The following IQCM variants were observed in gnomAD, a reference collection of about 807,000 sequenced individuals.
IQCM encodes the protein IQ motif containing M, also known as IQ domain-containing protein M.
In IQCM, 45 loss-of-function variants were observed where a neutral mutation model predicts 57.6. The observed-to-expected ratio is 0.78, with a 90% CI of 0.62 to 1.00. The LOEUF is 1.00. Ranked by LOEUF, IQCM falls within the 50% of genes least tolerant of loss-of-function variation. The pLI is 0.00. For missense variants in IQCM, 468 were observed against 511.6 expected, an observed-to-expected ratio of 0.91 and a Z score of 0.82; for synonymous variants, 148 against 158.9, an observed-to-expected ratio of 0.93 and a Z score of 0.51.
At chr4:149,642,619 G>C (rs1018511023) in intron 7 of IQCM, among the ~76,000 whole-genome samples, 1 of 152,074 alleles carries the variant, frequency 6.6e-6, no homozygotes, top group African/African-American at 2.4e-5. Context: ...CTCCTTCAAA[G>C]CTCAGCCATC....
intron 7 of IQCM, among the ~76,000 whole-genome samples, chr4:149,645,901 A>C (rs915858736): frequency 2.6e-5 from 4 of 152,144 alleles, no homozygotes; most frequent in African/African-American, 9.7e-5. Flanking sequence ...TCCCACCCAC[A>C]GTAGCATCCC....
intron 7 of IQCM, among the ~76,000 whole-genome samples, chr4:149,665,660 T>C (rs1760657073): frequency 6.6e-6 from 1 of 152,162 alleles, no homozygotes; most frequent in Non-Finnish European, 1.5e-5. Flanking sequence ...AGAGAGAGAT[T>C]GCTATCCTAA....
intron 8 of IQCM, among the ~76,000 whole-genome samples, chr4:149,598,061 A>G (rs1040401358): frequency 1.3e-5 from 2 of 152,192 alleles, no homozygotes; most frequent in African/African-American, 4.8e-5. Context: ...CTAAGAAAGT[A>G]TGGTTGAGAG....
chr4:149,532,127 C>T (rs970270860), intron 12 of IQCM, among the ~76,000 whole-genome samples: 1 of 152,034 alleles, frequency 6.6e-6, no homozygotes, highest in Non-Finnish European at 1.5e-5. Context: ...AAGTTCACAA[C>T]ATCATAGCAG....
At chr4:149,386,233 C>CA (rs1378197816) in intron 13 of IQCM, among the ~76,000 whole-genome samples, 1 of 151,968 alleles carries the variant, frequency 6.6e-6, no homozygotes, top group African/African-American at 2.4e-5. Context: ...CTCTGGGTGT[C>CA]ATGTACTTCA....
intron 12 of IQCM, among the ~76,000 whole-genome samples, chr4:149,527,902 C>T (rs571521218): frequency 6.6e-5 from 10 of 152,126 alleles, no homozygotes; most frequent in Middle Eastern, 6.9e-3. Flanking sequence ...GACTCAAGAA[C>T]AGTATTTCTT....
intron 13 of IQCM, among the ~76,000 whole-genome samples, chr4:149,393,983 T>A (rs911750842): frequency 5.9e-5 from 9 of 151,958 alleles, no homozygotes; most frequent in African/African-American, 1.9e-4. Context: ...GCAGGGTGGA[T>A]CTAAAAACAC....
intron 12 of IQCM, among the ~76,000 whole-genome samples, chr4:149,516,317 C>G (rs1246739152): frequency 6.6e-6 from 1 of 152,152 alleles, no homozygotes; most frequent in East Asian, 1.9e-4. Context: ...AATGCTTCTG[C>G]CAAGACTACC....
chr4:149,731,557 T>C (rs1766460903), intron 5 of IQCM, among the ~76,000 whole-genome samples: 1 of 152,252 alleles, frequency 6.6e-6, no homozygotes, highest in Non-Finnish European at 1.5e-5. Context: ...GTCCAGTTTC[T>C]CAGTCTAGAA....
At chr4:149,415,623 C>T (rs1249970515) in intron 13 of IQCM, among the ~76,000 whole-genome samples, 1 of 151,948 alleles carries the variant, frequency 6.6e-6, no homozygotes, top group African/African-American at 2.4e-5. Context: ...AATGTTCACC[C>T]TACATCTAAT....
chr4:149,747,360 G>A (rs1768022802), intron 2 of IQCM, among the ~76,000 whole-genome samples: 1 of 152,176 alleles, frequency 6.6e-6, no homozygotes, highest in African/African-American at 2.4e-5. Context: ...TATGTAAAAT[G>A]CCATAGTATT....
rs559319994 is a variant in IQCM, at chr4:149,590,458, T to A, written c.682-2461A>T. 1.6e-3 allele frequency among the ~76,000 whole-genome samples: 236 copies of A among 152,014 alleles called. 1 individual carries two copies. The highest frequency in any genetic ancestry group is 5.5e-3 in the African/African-American group (229 of 41,520). On this transcript the variant is annotated intron_variant, in intron 8 of 13. Coordinates refer to ENST00000636793, the MANE Select transcript of IQCM (RefSeq NM_001363507.2). Reference sequence around the variant, plus strand: ...ACTACCTGCTTCTTTCAACTTCTTTTTTTATTATTATACTTTAAGTTCTGG... The same window carrying A: ...ACTACCTGCTTCTTTCAACTTCTTTATTTATTATTATACTTTAAGTTCTGG...
chr4:149,674,815 G>A (rs1343948130), intron 7 of IQCM, among the ~76,000 whole-genome samples: 2 of 151,960 alleles, frequency 1.3e-5, no homozygotes, highest in Non-Finnish European at 2.9e-5. Flanking sequence ...GCCTATTAAC[G>A]GTACTTAAAG....
chr4:149,565,235 T>TGAC (rs1750508297), intron 9 of IQCM, among the ~76,000 whole-genome samples: 1 of 152,190 alleles, frequency 6.6e-6, no homozygotes, highest in Non-Finnish European at 1.5e-5. Flanking sequence ...AGTGAATCTC[T>TGAC]GACTCACATT....
At chr4:149,508,383 T>C (rs1380048494) in intron 12 of IQCM, among the ~76,000 whole-genome samples, 11 of 152,150 alleles carry the variant, frequency 7.2e-5, no homozygotes, top group African/African-American at 2.7e-4. Context: ...AAGGGGGCTG[T>C]GCCCAGCAAA....
chr4:149,388,003 G>A (rs145097140), intron 13 of IQCM, among the ~76,000 whole-genome samples: 69 of 152,008 alleles, frequency 4.5e-4, no homozygotes, highest in Non-Finnish European at 8.4e-4. Flanking sequence ...TTACTTCAAA[G>A]CATGCATCAA....
At chr4:149,697,230 A>G (rs1375056117) in intron 5 of IQCM, among the ~76,000 whole-genome samples, 4 of 151,960 alleles carry the variant, frequency 2.6e-5, no homozygotes, top group Non-Finnish European at 4.4e-5. Context: ...TGCAGCCACA[A>G]TGTTTCCCTT....
intron 7 of IQCM, among the ~76,000 whole-genome samples, chr4:149,677,700 C>G (rs569073457): frequency 6.6e-6 from 1 of 152,032 alleles, no homozygotes; most frequent in Non-Finnish European, 1.5e-5. Flanking sequence ...TAGCAACTGA[C>G]CCTAATGAAA....
At chr4:149,530,851 C>A (rs1417166797) in intron 12 of IQCM, among the ~76,000 whole-genome samples, 2 of 131,960 alleles carry the variant, frequency 1.5e-5, no homozygotes, top group Non-Finnish European at 3.1e-5. Context: ...AACATCATAG[C>A]CTATTTTAAA....
Sources: allele counts gnomAD v4.1 joint callset (sites outside exome capture counted in the v4.1 genomes callset), GRCh38; gene constraint gnomAD v4.1.1; transcripts MANE v1.5; gene names NCBI Gene and HGNC (gene_info 2026-07-23, HGNC 2026-07-21).